PTPRN2: variants seen among roughly 807,000 people sequenced by gnomAD.
PTPRN2 encodes the protein receptor-type tyrosine-protein phosphatase N2.
A neutral mutation model predicts 118.8 loss-of-function variants in PTPRN2; 74 were observed. The observed-to-expected ratio is 0.62, with a 90% CI of 0.52 to 0.76. The LOEUF (loss-of-function observed/expected upper bound fraction) is 0.76, where lower values mean the gene tolerates loss of function less well. Ranked by LOEUF, PTPRN2 falls within the 30% of genes least tolerant of loss-of-function variation. The probability of loss-of-function intolerance (pLI) is 0.00; values close to 1 mark genes in which losing one functional copy is unlikely to be tolerated. For missense variants in PTPRN2, 1,481 were observed against 1,394.4 expected, an observed-to-expected ratio of 1.06 and a Z score of -0.99; for synonymous variants, 641 against 608.0, an observed-to-expected ratio of 1.05 and a Z score of -0.80.
At chr7:158,545,347 C>T (rs934257793) in intron 1 of PTPRN2, among the ~76,000 whole-genome samples, 5 of 152,188 alleles carry the variant, frequency 3.3e-5, no homozygotes, top group African/African-American at 9.7e-5. Context: ...TGCTGCAGAC[C>T]GACGCAGTGG....
intron 9 of PTPRN2, among the ~76,000 whole-genome samples, chr7:158,131,113 AACAC>A (rs147131467): frequency 7.0e-6 from 1 of 142,486 alleles, no homozygotes; most frequent in Non-Finnish European, 1.5e-5. Context: ...ACATCTACCA[AACAC>A]ACACTCATAC....
Position 157,540,766 on chromosome 7 carries a change from A to G in PTPRN2, c.2996T>C (p.Leu999Pro), listed in dbSNP as rs1797974079. 3.8e-6 allele frequency: 6 copies of G among 1,568,720 alleles called. No homozygotes were observed. Among genetic ancestry groups the G allele is most frequent in the Non-Finnish European group, 4.3e-6 (5 of 1,156,586 alleles). Reference protein sequence around the residue: ...VQTKEQFEFALTAVAEEVNAI... With the variant: ...VQTKEQFEFAPTAVAEEVNAI... The stretch of plus-strand genomic sequence containing the variant: ...GTTCACCTCCTCAGCCACGGCTGTC[A>G]GCGCGAACTCAAACTGCTCCTGCAG... The change falls in exon 23 of 23, where the codon CTG becomes CCG. Residue 999 changes from leucine (L) to proline (P), a missense_variant. Leu to Pro is a moderately conservative substitution (Grantham distance 98). Around this residue, in one of 3 missense-constraint regions of PTPRN2, gnomAD observed 362 missense variants for 384.1 expected, o/e 0.94. Transcript: ENST00000389418.
chr7:158,581,799 GTTTC>G lies in PTPRN2; in HGVS notation c.112+5755_112+5758del, dbSNP rs1472383424. On this transcript the variant is annotated intron_variant, in intron 1 of 22. Transcript: ENST00000389418. ...TGTCACCAAACACTCATCATCTCTC[GTTTC>G]TTTGTGTTACACACACAGAAGCCGT... Among the ~76,000 whole-genome samples the G allele has an allele frequency of 6.6e-5, 10 of 152,208 alleles. No homozygotes were observed. The South Asian group carries it at 2.1e-3, about 31-fold the overall frequency.
chr7:158,094,403 G>A (rs916649233), intron 10 of PTPRN2, among the ~76,000 whole-genome samples: 39 of 152,082 alleles, frequency 2.6e-4, no homozygotes, highest in Admixed American at 3.9e-4. Context: ...TCTGACTCCC[G>A]GGTTCAAGTG....
chr7:157,661,985 A>T (rs1050817992), intron 13 of PTPRN2, among the ~76,000 whole-genome samples: 1 of 152,216 alleles, frequency 6.6e-6, no homozygotes, highest in African/African-American at 2.4e-5. Flanking sequence ...GTATGTCTTC[A>T]GAGGAGCAGG....
In PTPRN2 at chr7:157,881,343, G is replaced by A. The variant is rs947439216; in HGVS notation, c.1788+17330C>T. On this transcript the variant is annotated intron_variant, in intron 12 of 22. Coordinates refer to ENST00000389418, the MANE Select transcript of PTPRN2 (RefSeq NM_002847.5). The surrounding 1 kb of genome is among the most constrained non-coding windows in gnomAD (Gnocchi z 4.7). ...TCCCATGTGACTGGCATCCTTGTAG[G>A]AAGGAGATGCAGACACAGGTGCACA... Among the ~76,000 whole-genome samples the A allele has an allele frequency of 4.2e-5, 2 of 47,258 alleles. No homozygotes were observed. Among genetic ancestry groups the A allele is most frequent in the Admixed American group, 1.4e-4 (1 of 7,208 alleles). The allele number at this position is 47,258 out of a possible 152,430, so 31.0% of individuals were successfully genotyped here.
chr7:158,139,014 T>A (rs1203780744), intron 6 of PTPRN2, among the ~76,000 whole-genome samples: 4 of 151,728 alleles, frequency 2.6e-5, no homozygotes, highest in Admixed American at 2.6e-4. Context: ...ATGGACCAAC[T>A]CTAATTACAT....
intron 11 of PTPRN2, among the ~76,000 whole-genome samples, chr7:157,984,950 C>T (rs1471854721): frequency 1.3e-5 from 2 of 152,308 alleles, no homozygotes; most frequent in East Asian, 3.9e-4. Flanking sequence ...CCCCGTGCTG[C>T]TCCCCACCCG....
chr7:158,434,082 A>G lies in PTPRN2; in HGVS notation c.163+55653T>C, dbSNP rs773607941. Among the ~76,000 whole-genome samples the G allele has an allele frequency of 2.0e-5, 3 of 152,222 alleles. No individual in the cohort carries two copies. In the South Asian group the frequency reaches 6.2e-4, roughly 32 times the overall value. On this transcript the variant is annotated intron_variant, in intron 2 of 22. Coordinates refer to ENST00000389418, the MANE Select transcript of PTPRN2 (RefSeq NM_002847.5). ...TTTCAATCTTTAGCAATATGTTAAG[A>G]TTTGTTTATCTGATCAAAACATTTC...
intron 11 of PTPRN2, among the ~76,000 whole-genome samples, chr7:157,961,914 G>A (rs995298444): frequency 2.0e-5 from 3 of 151,846 alleles, no homozygotes; most frequent in African/African-American, 7.3e-5. Flanking sequence ...CGGCCGCACC[G>A]GGACCCGGGG....
intron 11 of PTPRN2, among the ~76,000 whole-genome samples, chr7:157,976,467 C>CATT (rs1802756805): frequency 6.7e-6 from 1 of 148,704 alleles, no homozygotes; most frequent in Non-Finnish European, 1.5e-5. Flanking sequence ...AAGCCCCCCC[C>CATT]ACCAATTACC....
At chr7:157,752,412 G>A (rs934243718) in intron 12 of PTPRN2, among the ~76,000 whole-genome samples, 4 of 152,214 alleles carry the variant, frequency 2.6e-5, no homozygotes, top group Admixed American at 1.3e-4. Flanking sequence ...GGGCGAGCAC[G>A]TGCCCTCGTC....
chr7:157,959,941 T>C (rs1251524221), intron 11 of PTPRN2, among the ~76,000 whole-genome samples: 1 of 152,146 alleles, frequency 6.6e-6, no homozygotes, highest in African/African-American at 2.4e-5. Context: ...TGAGTGCCCA[T>C]CAGGGGAAGA....
At chr7:157,897,079 G>C (rs1797172817) in intron 12 of PTPRN2, among the ~76,000 whole-genome samples, 1 of 152,134 alleles carries the variant, frequency 6.6e-6, no homozygotes, top group Non-Finnish European at 1.5e-5. Context: ...TCTCTGACCA[G>C]GTTACAGAGA....
intron 11 of PTPRN2, among the ~76,000 whole-genome samples, chr7:157,936,453 C>T (rs746270264): frequency 6.6e-6 from 1 of 152,206 alleles, no homozygotes; most frequent in South Asian, 2.1e-4. Flanking sequence ...GGCCACCCCA[C>T]CTGTTTCTCT....
chr7:157,673,881 C>CT (rs901464037), intron 13 of PTPRN2, among the ~76,000 whole-genome samples: 5 of 143,170 alleles, frequency 3.5e-5, no homozygotes, highest in Non-Finnish European at 8.0e-5. Context: ...CGGGTTCACA[C>CT]TGGGGAGTCC....
intron 12 of PTPRN2, among the ~76,000 whole-genome samples, chr7:157,693,547 G>A (rs1354124279): frequency 6.6e-6 from 1 of 152,106 alleles, no homozygotes; most frequent in Non-Finnish European, 1.5e-5. Flanking sequence ...GGGAGTGGGC[G>A]GGTCTTCCCA....
intron 9 of PTPRN2, among the ~76,000 whole-genome samples, chr7:158,132,228 A>T: frequency 6.6e-6 from 1 of 151,550 alleles, no homozygotes; most frequent in Admixed American, 6.6e-5. Context: ...GAACAGATGC[A>T]CATCATACGG....
intron 1 of PTPRN2, among the ~76,000 whole-genome samples, chr7:158,535,213 C>T (rs112164157): frequency 0.013 from 2,032 of 152,238 alleles, 45 homozygotes; most frequent in African/African-American, 0.045. Context: ...ACAATCTGGT[C>T]GAAGAAAACA....
Sources: allele counts gnomAD v4.1 joint callset (sites outside exome capture counted in the v4.1 genomes callset), GRCh38; gene constraint gnomAD v4.1.1; regional missense constraint gnomAD v4.1.1; non-coding constraint Gnocchi (gnomAD v3.1); transcripts MANE v1.5; gene names NCBI Gene and HGNC (gene_info 2026-07-23, HGNC 2026-07-21).